OLFM3: variants seen among roughly 807,000 people sequenced by gnomAD.
The protein encoded by OLFM3 is olfactomedin 3, also known as noelin-3.
A neutral mutation model predicts 48.6 loss-of-function variants in OLFM3; 20 were observed. The ratio of observed to expected loss-of-function variants is 0.41; its 90% CI spans 0.29 to 0.60. OLFM3 has a LOEUF of 0.60. OLFM3 is among the 20% of genes least tolerant of loss of function. The pLI is 0.28. For missense variants in OLFM3, 437 were observed against 544.3 expected (o/e 0.80, Z 1.96); for synonymous variants, 222 against 198.1 (o/e 1.12, Z -1.01).
intron 4 of OLFM3, among the ~76,000 whole-genome samples, chr1:101,809,346 C>T (rs1266126037): frequency 6.6e-6 from 1 of 151,784 alleles, no homozygotes; most frequent in Non-Finnish European, 1.5e-5. Flanking sequence ...ATGAGCTTGT[C>T]ACATGCAAAC....
At chr1:101,808,938 A>T (rs1327592) in intron 4 of OLFM3, among the ~76,000 whole-genome samples, 126,168 of 151,604 alleles carry the variant, frequency 0.83, 52,748 homozygotes, top group East Asian at 0.93. Context: ...ATATATACTG[A>T]GTATTGTAAA....
In OLFM3 at chr1:101,830,692, G is replaced by C. The variant is rs138326188; in HGVS notation, c.352C>G (p.Leu118Val). 1.2e-6 allele frequency: 2 copies of C among 1,614,170 alleles called. No homozygotes were observed. The highest frequency in any genetic ancestry group is 1.7e-6 in the Non-Finnish European group (2 of 1,180,022). ...FRQIEDDRKT[L>V]MTKHFQELKE... is the part of the protein sequence containing the mutation. Reference sequence around the variant, plus strand: ...CCTACCTGAAAATGCTTGGTCATAAGTGTCTTTCGATCATCTTCAATCTGC... The same window carrying C: ...CCTACCTGAAAATGCTTGGTCATAACTGTCTTTCGATCATCTTCAATCTGC... Residue 118 changes from leucine to valine, a missense_variant, in exon 3 of 6, where the codon CTT becomes GTT. Transcript: ENST00000370103.
intron 1 of OLFM3, among the ~76,000 whole-genome samples, chr1:101,846,542 T>A (rs939108009): frequency 6.6e-6 from 1 of 150,784 alleles, no homozygotes; most frequent in Admixed American, 6.6e-5. Flanking sequence ...AAACAAAACA[T>A]ATATATATAT....
chr1:101,849,498 T>A (rs1037109619), intron 1 of OLFM3, among the ~76,000 whole-genome samples: 1 of 152,244 alleles, frequency 6.6e-6, no homozygotes, highest in African/African-American at 2.4e-5. Context: ...GGACTTTATC[T>A]TCTATGTAAT....
intron 1 of OLFM3, among the ~76,000 whole-genome samples, chr1:101,898,264 T>A (rs1411867685): frequency 6.6e-6 from 1 of 152,200 alleles, no homozygotes; most frequent in Non-Finnish European, 1.5e-5. Flanking sequence ...TTGGGTAATA[T>A]AATCTCCTTT....
chr1:101,899,961 T>C (rs1658337042), intron 1 of OLFM3, among the ~76,000 whole-genome samples: 1 of 152,158 alleles, frequency 6.6e-6, no homozygotes, highest in Admixed American at 6.5e-5. Flanking sequence ...TAAGGAACCC[T>C]TTTCTGTCAT....
At chr1:101,899,970 A>ATTATTCTTTAATAATAATTC (rs1553178423) in intron 1 of OLFM3, among the ~76,000 whole-genome samples, 1 of 152,064 alleles carries the variant, frequency 6.6e-6, no homozygotes, top group Non-Finnish European at 1.5e-5. Flanking sequence ...CTTTTCTGTC[A>ATTATTCTTTAATAATAATTC]TATTATTACC....
intron 1 of OLFM3, among the ~76,000 whole-genome samples, chr1:101,865,301 A>T (rs183096079): frequency 6.6e-6 from 1 of 152,328 alleles, no homozygotes; most frequent in Non-Finnish European, 1.5e-5. Context: ...TCATGAGAGA[A>T]TATAATGGCA....
intron 2 of OLFM3, among the ~76,000 whole-genome samples, chr1:101,835,776 C>T (rs563020467): frequency 1.3e-5 from 2 of 152,190 alleles, no homozygotes; most frequent in South Asian, 4.1e-4. Context: ...GTGATGATAA[C>T]TTCAAGCAGA....
intron 4 of OLFM3, among the ~76,000 whole-genome samples, chr1:101,810,435 G>A (rs956969546): frequency 3.9e-5 from 6 of 151,968 alleles, no homozygotes; most frequent in African/African-American, 1.4e-4. Flanking sequence ...GCTAAAGAAG[G>A]AGACTACTGC....
At chr1:101,910,177 A>T in intron 1 of OLFM3, 2 of 982,026 alleles carry the variant, frequency 2.0e-6, no homozygotes, top group Non-Finnish European at 2.4e-6. Flanking sequence ...GTTAAAAAGC[A>T]CATTCTCGAC....
intron 1 of OLFM3, among the ~76,000 whole-genome samples, chr1:101,958,836 T>TATATAC (rs1491209820): frequency 6.2e-4 from 2 of 3,242 alleles, no homozygotes; most frequent in Non-Finnish European, 2.1e-3. Context: ...AAAGTGATAT[T>TATATAC]ATATATATAT....
chr1:101,870,440 T>C (rs964825622), intron 1 of OLFM3, among the ~76,000 whole-genome samples: 3 of 152,190 alleles, frequency 2.0e-5, no homozygotes, highest in African/African-American at 7.2e-5. Flanking sequence ...CCACCTTGAA[T>C]TAGCTAAAGA....
chr1:101,961,773 G>C (rs537711146), intron 1 of OLFM3, among the ~76,000 whole-genome samples: 1 of 152,064 alleles, frequency 6.6e-6, no homozygotes, highest in Non-Finnish European at 1.5e-5. Flanking sequence ...AAGTTATTCA[G>C]GACACTGGAC....
intron 1 of OLFM3, among the ~76,000 whole-genome samples, chr1:101,892,195 G>A (rs1658025536): frequency 6.6e-6 from 1 of 151,940 alleles, no homozygotes; most frequent in African/African-American, 2.4e-5. Context: ...ACACTATACA[G>A]GTGTGCCAAG....
At chr1:101,996,633 AG>A in intron 1 of OLFM3, 114 bp downstream of exon 1, 1 of 1,005,048 alleles carries the variant, frequency 9.9e-7, no homozygotes, top group Non-Finnish European at 1.5e-6. Context: ...AGACACCATA[AG>A]GTAGCTGAAA....
chr1:101,979,875 G>A (rs1263004688), intron 1 of OLFM3, among the ~76,000 whole-genome samples: 1 of 152,248 alleles, frequency 6.6e-6, no homozygotes, highest in Non-Finnish European at 1.5e-5. Flanking sequence ...AAAGCAGCTG[G>A]GAGTGAGGCT....
At chr1:101,839,074 C>T (rs1452891796) in intron 1 of OLFM3, among the ~76,000 whole-genome samples, 1 of 152,156 alleles carries the variant, frequency 6.6e-6, no homozygotes, top group Non-Finnish European at 1.5e-5. Context: ...CATGATGATA[C>T]CAAGTCATCA....
chr1:101,992,394 G>A (rs1045205957), intron 1 of OLFM3, among the ~76,000 whole-genome samples: 1 of 152,128 alleles, frequency 6.6e-6, no homozygotes, highest in Non-Finnish European at 1.5e-5. Flanking sequence ...GAAGCTATTT[G>A]CTCCATCAAA....
Sources: allele counts gnomAD v4.1 joint callset (sites outside exome capture counted in the v4.1 genomes callset), GRCh38; gene constraint gnomAD v4.1.1; transcripts MANE v1.5; gene names NCBI Gene and HGNC (gene_info 2026-07-23, HGNC 2026-07-21).